Variants in STX11 observed in about 807,000 individuals in gnomAD.
The protein encoded by STX11 is syntaxin 11.
STX11 carries 21 observed loss-of-function variants against 19.9 expected under a neutral mutation model. That is an observed-to-expected ratio of 1.06 (90% CI 0.75 to 1.52). The LOEUF is 1.52. Ranked by LOEUF, STX11 falls within the 40% of genes most tolerant of loss-of-function variation. The pLI, the probability that STX11 is intolerant of heterozygous loss-of-function variation, is 0.00. For missense variants in STX11, 438 were observed against 405.9 expected (o/e 1.08, Z -0.68); for synonymous variants, 193 against 174.4 (o/e 1.11, Z -0.84).
At position 144,155,600 on chromosome 6, in the gene STX11, C is replaced by A. The variant is rs1801115441; in HGVS notation, c.-6+4897C>A. Among the ~76,000 whole-genome samples the A allele has an allele frequency of 6.6e-6, 1 of 152,286 alleles. No homozygotes were observed. Among genetic ancestry groups the A allele is most frequent in the East Asian group, 1.9e-4 (1 of 5,188 alleles). ...ATCACAAGAAAGGGAAGGGTTTTGG[C>A]TAATATTTCATATCGGTTTGTCTTG... On this transcript the variant is annotated intron_variant, in intron 1 of 1. Transcript: ENST00000367568. This position sits in a 1 kb window ranked among gnomAD's most constrained non-coding sequence, Gnocchi z 4.5.
the STX11 span, among the ~76,000 whole-genome samples, chr6:144,143,783 T>C: frequency 6.6e-6 from 1 of 152,178 alleles, no homozygotes; most frequent in Non-Finnish European, 1.5e-5. Context: ...GCTGATACTA[T>C]ACAAATCTAG....
At chr6:144,140,878 A>G in the STX11 span, 1 of 750,654 alleles carries the variant, frequency 1.3e-6, no homozygotes, top group Non-Finnish European at 1.6e-6. Flanking sequence ...AATGAACAGA[A>G]TATGGCTATA....
chr6:144,177,824 C>T lies in STX11; in HGVS notation c.-5-8799C>T, dbSNP rs916367039. 4.6e-5 allele frequency among the ~76,000 whole-genome samples: 7 copies of T among 152,200 alleles called. No homozygotes were observed. Among genetic ancestry groups the T allele is most frequent in the Admixed American group, 2.6e-4 (4 of 15,282 alleles). On this transcript the variant is annotated intron_variant, in intron 1 of 1. Coordinates refer to ENST00000367568, the MANE Select transcript of STX11 (RefSeq NM_003764.4). The surrounding 1 kb of genome is among the most constrained non-coding windows in gnomAD (Gnocchi z 4.4). ...TCTATGCACCTGACTGTAAAATTTACATCTCCAAGTGTCTGTATTCTGTTA... is the reference window on the plus strand; with the variant it reads ...TCTATGCACCTGACTGTAAAATTTATATCTCCAAGTGTCTGTATTCTGTTA...
chr6:144,187,467 C>T lies in STX11; in HGVS notation c.840C>T (p.Cys280=). 3 of 1,612,504 alleles carry T rather than the reference C, an allele frequency of 1.9e-6. No individual in the cohort carries two copies. The highest frequency in any genetic ancestry group is 2.5e-6 in the Non-Finnish European group (3 of 1,179,974). The change falls in exon 2 of 2, where the codon TGC becomes TGT. Residue 280 remains cysteine (C), a synonymous_variant. Coordinates refer to ENST00000367568, the MANE Select transcript of STX11 (RefSeq NM_003764.4). This position sits in a 1 kb window ranked among gnomAD's most constrained non-coding sequence, Gnocchi z 5.6. ...EEKNPCRTLC[C]FCCPCLK ...AGAACCCCTGCCGGACCCTCTGCTG[C>T]TTCTGCTGTCCCTGCCTCAAGTAGC... is the stretch of plus-strand genomic sequence containing the variant.
chr6:144,170,241 A>G lies in STX11; in HGVS notation c.-5-16382A>G, dbSNP rs1442214983. ...GAGCAGAGTATAAGCAAAGAGTCAT[A>G]GTGATTAATACCTGAAGTTCTTGGT... On this transcript the variant is annotated intron_variant, in intron 1 of 1. Transcript: ENST00000367568. This position sits in a 1 kb window ranked among gnomAD's most constrained non-coding sequence, Gnocchi z 4.7. Among the ~76,000 whole-genome samples the G allele has an allele frequency of 6.6e-6, 1 of 152,210 alleles. No individual in the cohort carries two copies. Among genetic ancestry groups the G allele is most frequent in the Non-Finnish European group, 1.5e-5 (1 of 68,044 alleles).
chr6:144,189,005 T>C lies in STX11; in HGVS notation c.*1514T>C, dbSNP rs895149662. The stretch of plus-strand genomic sequence containing the variant: ...CCTCCCATAGTGCTGGGATTACAGG[T>C]GTGAGCCACCATGCCTGGCCTTTTT... On this transcript the variant is annotated 3_prime_UTR_variant, in exon 2 of 2. Coordinates refer to ENST00000367568, the MANE Select transcript of STX11 (RefSeq NM_003764.4). Among the ~76,000 whole-genome samples the C allele has an allele frequency of 1.4e-4, 21 of 151,510 alleles. No individual in the cohort carries two copies. The highest frequency in any genetic ancestry group is 3.9e-4 in the African/African-American group (16 of 41,240).
chr6:144,183,957 C>T lies in STX11; in HGVS notation c.-5-2666C>T, dbSNP rs1367459949. On this transcript the variant is annotated intron_variant, in intron 1 of 1. Coordinates refer to ENST00000367568, the MANE Select transcript of STX11 (RefSeq NM_003764.4). The surrounding 1 kb of genome is among the most constrained non-coding windows in gnomAD (Gnocchi z 4.6). ...TCCAGGTGTTCTCATTGTTCACCTC[C>T]CACTTATAAGTGAGAACATGCAGTG... 1.3e-5 allele frequency among the ~76,000 whole-genome samples: 2 copies of T among 152,160 alleles called. No individual in the cohort carries two copies. Among genetic ancestry groups the T allele is most frequent in the Non-Finnish European group, 1.5e-5 (1 of 68,038 alleles).
intron 1 of STX11, among the ~76,000 whole-genome samples, chr6:144,179,279 G>A (rs567992036): frequency 6.2e-4 from 94 of 152,322 alleles, no homozygotes; most frequent in African/African-American, 1.5e-3. Flanking sequence ...CTCGCACAAC[G>A]TGTGGGAATT....
In STX11 at chr6:144,169,050, A is replaced by G. The variant is rs528544269; in HGVS notation, c.-5-17573A>G. On this transcript the variant is annotated intron_variant, in intron 1 of 1. Coordinates refer to ENST00000367568, the MANE Select transcript of STX11 (RefSeq NM_003764.4). This position sits in a 1 kb window ranked among gnomAD's most constrained non-coding sequence, Gnocchi z 5.2. ...GCTTATGAAACTAATCAGAAAAGAC[A>G]CCCCTGGTGATCTAAGCCTTTTTAT... 6.6e-6 allele frequency among the ~76,000 whole-genome samples: 1 copy of G among 152,274 alleles called. No homozygotes were observed. Among genetic ancestry groups the G allele is most frequent in the East Asian group, 1.9e-4 (1 of 5,192 alleles).
chr6:144,161,223 T>C (rs965031396), intron 1 of STX11, among the ~76,000 whole-genome samples: 3 of 152,220 alleles, frequency 2.0e-5, no homozygotes, highest in African/African-American at 7.2e-5. Flanking sequence ...GAGTATTTTC[T>C]CTTTTTGAAA....
rs1252993918 is a variant in STX11 at position 144,177,881 on chromosome 6, T to C, written c.-5-8742T>C. The stretch of plus-strand genomic sequence containing the variant: ...AGAGTTAATAATTTTATGGATTTTT[T>C]TTAAAGTTGTGGTGACTTACTCCCT... On this transcript the variant is annotated intron_variant, in intron 1 of 1. Transcript: ENST00000367568. This position sits in a 1 kb window ranked among gnomAD's most constrained non-coding sequence, Gnocchi z 4.4. Among the ~76,000 whole-genome samples the C allele has an allele frequency of 6.6e-6, 1 of 152,238 alleles. No individual in the cohort carries two copies. The highest frequency in any genetic ancestry group is 6.5e-5 in the Admixed American group (1 of 15,278).
At position 144,188,708 on chromosome 6, in the gene STX11, T is replaced by TA. The variant is rs397725572; in HGVS notation, c.*1221dup. On this transcript the variant is annotated 3_prime_UTR_variant, in exon 2 of 2. Transcript: ENST00000367568. ...TTTAGTTTACTTTCTCAATTATTGT[T>TA]AAAATTTTTCTTTTTCCTTTTTTTT... Among the ~76,000 whole-genome samples, 72,695 of 144,876 alleles carry TA rather than the reference T, an allele frequency of 0.5. 21,174 individuals carry two copies. The highest frequency in any genetic ancestry group is 0.81 in the African/African-American group (31,012 of 38,278).
rs1025651900 is a variant in STX11, at chr6:144,180,394, A to G, written c.-5-6229A>G. ...TTGGCTGTGTCCCCACCAAATCTCA[A>G]CTTGAATTGTATCTCCCAGAATTCC... is the stretch of plus-strand genomic sequence containing the variant. On this transcript the variant is annotated intron_variant, in intron 1 of 1. Coordinates refer to ENST00000367568, the MANE Select transcript of STX11 (RefSeq NM_003764.4). This position sits in a 1 kb window ranked among gnomAD's most constrained non-coding sequence, Gnocchi z 5.3. Among the ~76,000 whole-genome samples the G allele has an allele frequency of 6.6e-6, 1 of 152,154 alleles. No homozygotes were observed. Among genetic ancestry groups the G allele is most frequent in the Non-Finnish European group, 1.5e-5 (1 of 68,026 alleles).
rs1291625831 is a variant in STX11 at position 144,156,013 on chromosome 6, T to C, written c.-6+5310T>C. Among the ~76,000 whole-genome samples, 239 of 117,498 alleles carry C rather than the reference T, an allele frequency of 2.0e-3. 12 individuals carry two copies. The highest frequency in any genetic ancestry group is 9.9e-3 in the African/African-American group (191 of 19,260). 77.1% of individuals were successfully genotyped at this position (117,498 alleles called of 152,430 possible). A position where few individuals can be genotyped will look rare whatever the true frequency, so the allele number is the denominator to read the frequency against. On this transcript the variant is annotated intron_variant, in intron 1 of 1. Transcript: ENST00000367568. ...TTCTTTCTTTCTTTCTTTCTTTCTT[T>C]CTCTCTTTCTCTCCTTCCTTCCTTC...
At position 144,153,165 on chromosome 6, in the gene STX11, G is replaced by A. The variant is rs907071742; in HGVS notation, c.-6+2462G>A. Among the ~76,000 whole-genome samples the A allele has an allele frequency of 6.6e-6, 1 of 152,052 alleles. No homozygotes were observed. The highest frequency in any genetic ancestry group is 1.5e-5 in the Non-Finnish European group (1 of 68,014). ...TTGCTAAGATATCCAACTGGTAAAGGCAACAATGCTAAATTTCAGACAACT... is the reference window on the plus strand; with the variant it reads ...TTGCTAAGATATCCAACTGGTAAAGACAACAATGCTAAATTTCAGACAACT... On this transcript the variant is annotated intron_variant, in intron 1 of 1. Transcript: ENST00000367568. This position sits in a 1 kb window ranked among gnomAD's most constrained non-coding sequence, Gnocchi z 5.0.
chr6:144,186,056 T>C (rs1802019791), intron 1 of STX11, among the ~76,000 whole-genome samples: 1 of 141,986 alleles, frequency 7.0e-6, no homozygotes, highest in South Asian at 2.2e-4. Flanking sequence ...TCTTTTTTCT[T>C]TTTTTTTTTT....
At position 144,187,253 on chromosome 6, in the gene STX11, G is replaced by T; in HGVS notation, c.626G>T (p.Ser209Ile). The T allele has an allele frequency of 1.2e-6, 2 of 1,613,656 alleles. No individual in the cohort carries two copies. Among genetic ancestry groups the T allele is most frequent in the Non-Finnish European group, 1.7e-6 (2 of 1,179,962 alleles). ...GARAALNEIE[S>I]RHRELLRLES... is the part of the protein sequence containing the mutation. ...CGGGCCGCCCTCAACGAGATCGAGA[G>T]CCGCCACCGCGAACTGCTGCGCCTG... The change falls in exon 2 of 2, where the codon AGC becomes ATC. Residue 209 changes from serine to isoleucine, a missense_variant. Physicochemically the swap from Ser to Ile is moderately radical, Grantham distance 142. Coordinates refer to ENST00000367568, the MANE Select transcript of STX11 (RefSeq NM_003764.4). This position sits in a 1 kb window ranked among gnomAD's most constrained non-coding sequence, Gnocchi z 5.6.
chr6:144,190,717 G>A lies in STX11; in HGVS notation c.*3226G>A, dbSNP rs1278259356. 6.6e-6 allele frequency among the ~76,000 whole-genome samples: 1 copy of A among 152,110 alleles called. No individual in the cohort carries two copies. Among genetic ancestry groups the A allele is most frequent in the East Asian group, 1.9e-4 (1 of 5,190 alleles). Reference sequence around the variant, plus strand: ...AAGCAGGAAGCAGCTGTTCTGCTCAGCTTGGCAGGTGTTCTTTCCTAATTC... The same window carrying A: ...AAGCAGGAAGCAGCTGTTCTGCTCAACTTGGCAGGTGTTCTTTCCTAATTC... On this transcript the variant is annotated 3_prime_UTR_variant, in exon 2 of 2. Transcript: ENST00000367568.
At chr6:144,142,574 C>T in the STX11 span, among the ~76,000 whole-genome samples, 3 of 152,114 alleles carry the variant, frequency 2.0e-5, no homozygotes, top group African/African-American at 7.2e-5. Flanking sequence ...CAATGGAATA[C>T]TATTCCGCCA....
Sources: allele counts gnomAD v4.1 joint callset (sites outside exome capture counted in the v4.1 genomes callset), GRCh38; gene constraint gnomAD v4.1.1; non-coding constraint Gnocchi (gnomAD v3.1); transcripts MANE v1.5; gene names NCBI Gene and HGNC (gene_info 2026-07-23, HGNC 2026-07-21).